The following ERAP1 variants were observed in gnomAD, a reference collection of about 807,000 sequenced individuals.
ERAP1 encodes adipocyte-derived leucine aminopeptidase.
Under a neutral mutation model 103.7 loss-of-function variants are expected in ERAP1, and 86 were observed. That is an observed-to-expected ratio of 0.83 (90% CI 0.70 to 0.99). The LOEUF (loss-of-function observed/expected upper bound fraction) is 0.99, where lower values mean the gene tolerates loss of function less well. Among genes scored for constraint, ERAP1 ranks in the 50% least tolerant of loss-of-function variants. The pLI is 0.00. For synonymous variants in ERAP1, 398 were observed against 402.4 expected (o/e 0.99, Z 0.13); for missense variants, 1,009 against 1,128.4 (o/e 0.89, Z 1.52).
chr5:96,819,705 A>G, the ERAP1 span, among the ~76,000 whole-genome samples: 2 of 152,310 alleles, frequency 1.3e-5, no homozygotes, highest in African/African-American at 2.4e-5. Flanking sequence ...TATGACATAC[A>G]AAATAATCAC....
In ERAP1 at chr5:96,776,683, T is replaced by C; in HGVS notation, c.2671-132A>G. On this transcript the variant is annotated intron_variant, in intron 18 of 18. Transcript: ENST00000443439. ...TAGAAGGCAGTCCCAGCTGTCTGAA[T>C]AGGATTATGTACACATAAGCTGTAT... is the stretch of plus-strand genomic sequence containing the variant. 15 of 1,298,796 alleles carry C rather than the reference T, an allele frequency of 1.2e-5. 1 individual carries two copies. In the South Asian group the frequency reaches 2.1e-4, roughly 18 times the overall value. The allele number at this position is 1,298,796 out of a possible 1,614,324, so 80.5% of individuals were successfully genotyped here.
At chr5:96,765,167 C>A in intron 19 of ERAP1, 3 of 1,009,258 alleles carry the variant, frequency 3.0e-6, no homozygotes, top group Non-Finnish European at 4.6e-6. Context: ...GGCTAATTTG[C>A]CTCTGATACA....
the ERAP1 span, chr5:96,913,312 T>G: frequency 3.1e-6 from 5 of 1,612,696 alleles, no homozygotes; most frequent in Non-Finnish European, 4.2e-6. Flanking sequence ...TTTTTCTTTC[T>G]TCAGGTTAAT....
intron 16 of ERAP1, 48 bp from the exon 17 acceptor site, chr5:96,781,246 C>T (rs757791422): frequency 7.0e-6 from 11 of 1,574,648 alleles, no homozygotes; most frequent in African/African-American, 4.1e-5. Flanking sequence ...GGTGATGAAA[C>T]AGTTATGAAT....
At chr5:96,805,383 T>C (rs1778489114) in intron 1 of ERAP1, among the ~76,000 whole-genome samples, 1 of 147,368 alleles carries the variant, frequency 6.8e-6, no homozygotes, top group African/African-American at 2.5e-5. Flanking sequence ...TGTCCAGAGA[T>C]TTTACTGAGA....
chr5:96,812,892 T>C (rs1393185233), upstream of ERAP1, among the ~76,000 whole-genome samples: 2 of 152,240 alleles, frequency 1.3e-5, no homozygotes, highest in East Asian at 1.9e-4. Flanking sequence ...ATGCTTGCAA[T>C]TTATTGGAAA....
intron 3 of ERAP1, among the ~76,000 whole-genome samples, chr5:96,798,694 A>G (rs1219197151): frequency 6.6e-6 from 1 of 151,630 alleles, no homozygotes; most frequent in Admixed American, 6.6e-5. Flanking sequence ...GATTACAACC[A>G]TAAGCCACCT....
At chr5:96,839,749 C>T in the ERAP1 span, among the ~76,000 whole-genome samples, 1 of 152,150 alleles carries the variant, frequency 6.6e-6, no homozygotes, top group Non-Finnish European at 1.5e-5. Context: ...TAGGCTCATT[C>T]CTGTCAAACA....
At chr5:96,862,881 T>A in the ERAP1 span, among the ~76,000 whole-genome samples, 1 of 152,124 alleles carries the variant, frequency 6.6e-6, no homozygotes, top group Non-Finnish European at 1.5e-5. Context: ...CATTTTGACC[T>A]TTCCTGTCCC....
intron 3 of ERAP1, among the ~76,000 whole-genome samples, chr5:96,798,581 C>CTTT (rs3076631): frequency 0.092 from 13,662 of 149,296 alleles, 809 homozygotes; most frequent in Middle Eastern, 0.16. Flanking sequence ...CTGACCTCAT[C>CTTT]TTTTTTTTTT....
chr5:96,848,005 CAA>C, the ERAP1 span, among the ~76,000 whole-genome samples: 4 of 148,808 alleles, frequency 2.7e-5, no homozygotes, highest in Non-Finnish European at 4.5e-5. Flanking sequence ...ACTAGAAAAA[CAA>C]AAAAAAAATC....
chr5:96,779,620 C>G (rs1561663972), intron 18 of ERAP1: 1 of 153,062 alleles, frequency 6.5e-6, no homozygotes, highest in Non-Finnish European at 1.5e-5. Flanking sequence ...CAGCTTTTAT[C>G]TAAATGTACC....
At chr5:96,853,312 C>T in the ERAP1 span, among the ~76,000 whole-genome samples, 512 of 152,138 alleles carry the variant, frequency 3.4e-3, 1 homozygote, top group Non-Finnish European at 5.4e-3. Flanking sequence ...TTTGAAGCAA[C>T]CTGAGGGCAG....
chr5:96,879,625 G>C, the ERAP1 span: 1 of 1,387,522 alleles, frequency 7.2e-7, no homozygotes, highest in South Asian at 1.2e-5. Flanking sequence ...AGCCAGTGCA[G>C]TGCCATGAAG....
At chr5:96,803,202 A>C (rs940728975) in intron 2 of ERAP1, among the ~76,000 whole-genome samples, 1 of 152,230 alleles carries the variant, frequency 6.6e-6, no homozygotes, top group African/African-American at 2.4e-5. Flanking sequence ...TGGGGGAAAG[A>C]AAATTGGTTA....
At chr5:96,776,603 A>G (rs1287792071) in intron 18 of ERAP1, 52 bp from the exon 19 acceptor site, 1 of 1,594,584 alleles carries the variant, frequency 6.3e-7, no homozygotes, top group Non-Finnish European at 8.5e-7. Flanking sequence ...CATTAATCAG[A>G]TGTAACTTTA....
chr5:96,913,303 T>G, the ERAP1 span: 2 of 1,608,516 alleles, frequency 1.2e-6, no homozygotes, highest in South Asian at 2.2e-5. Context: ...AACAAATTAT[T>G]TTTCTTTCTT....
intron 3 of ERAP1, among the ~76,000 whole-genome samples, chr5:96,799,272 G>A (rs1777721949): frequency 6.6e-6 from 1 of 152,054 alleles, no homozygotes; most frequent in Non-Finnish European, 1.5e-5. Flanking sequence ...AAGCTTCAAT[G>A]TTCCAATGGT....
the ERAP1 span, among the ~76,000 whole-genome samples, chr5:96,814,670 T>A: frequency 9.2e-5 from 14 of 152,192 alleles, no homozygotes; most frequent in Non-Finnish European, 1.6e-4. Context: ...TCATCAGAAG[T>A]GATGCCAAAT....
Sources: gnomAD v4.1 joint callset for allele counts (sites outside exome capture counted in the v4.1 genomes callset) on GRCh38, gnomAD v4.1.1 for gene constraint, MANE v1.5 for transcripts, NCBI Gene and HGNC (gene_info 2026-07-23, HGNC 2026-07-21) for gene names.